ANK1: variants seen among roughly 807,000 people sequenced by gnomAD.
ANK1 encodes the protein ankyrin-1.
A neutral mutation model predicts 210.4 loss-of-function variants in ANK1; 51 were observed. The ratio of observed to expected loss-of-function variants is 0.24; its 90% confidence interval spans 0.19 to 0.31. ANK1 has a LOEUF of 0.31. Ranked by LOEUF, ANK1 falls within the 10% of genes least tolerant of loss-of-function variation. The pLI, the probability that ANK1 is intolerant of heterozygous loss-of-function variation, is 1.00. For missense variants in ANK1, 2,051 were observed against 2,504.4 expected (o/e 0.82, Z 3.86); for synonymous variants, 967 against 1,025.9 (o/e 0.94, Z 1.10).
At chr8:41,664,365 C>A in intron 39 of ANK1, 2 of 364,022 alleles carry the variant, frequency 5.5e-6, no homozygotes, top group Non-Finnish European at 1.1e-5. Context: ...ACCAGCTACT[C>A]AGAAGGCTGA....
rs184642765 is a variant in ANK1, at chr8:41,871,624, A to C, written c.126+24731T>G. On this transcript the variant is annotated intron_variant, in intron 1 of 42. Coordinates refer to the ANK1 transcript ENST00000265709. ...CAGGAGCCAGGAGAGGGGCCTGGACATGTGCTCTCCCACAGTCCACCAAAG... is the reference window on the plus strand; with the variant it reads ...CAGGAGCCAGGAGAGGGGCCTGGACCTGTGCTCTCCCACAGTCCACCAAAG... Among the ~76,000 whole-genome samples, 225 of 152,224 alleles carry C rather than the reference A, an allele frequency of 1.5e-3. 1 individual carries two copies. Among genetic ancestry groups the C allele is most frequent in the African/African-American group, 5.1e-3 (213 of 41,552 alleles).
chr8:41,814,697 AT>A (rs1050800155), intron 1 of ANK1, among the ~76,000 whole-genome samples: 3 of 149,762 alleles, frequency 2.0e-5, no homozygotes, highest in Non-Finnish European at 3.0e-5. Context: ...ATTTATTTTT[AT>A]TTTTTTATTT....
chr8:41,778,495 AGGCCGCTGTG>A (rs1265089152), intron 1 of ANK1, among the ~76,000 whole-genome samples: 5 of 152,224 alleles, frequency 3.3e-5, no homozygotes, highest in Admixed American at 3.3e-4. Context: ...GCTTTTTCAA[AGGCCGCTGTG>A]TTCCAGAATC....
At chr8:41,798,817 T>G (rs906749494), upstream of ANK1, among the ~76,000 whole-genome samples, 1 of 152,138 alleles carries the variant, frequency 6.6e-6, no homozygotes. Flanking sequence ...CTCTCCAGCC[T>G]TCCTCACGTG....
intron 38 of ANK1, among the ~76,000 whole-genome samples, chr8:41,672,114 T>G (rs969966736): frequency 3.9e-5 from 6 of 152,216 alleles, no homozygotes; most frequent in Non-Finnish European, 7.3e-5. Context: ...GCTCTCCCAG[T>G]GCTCCTCGGG....
At chr8:41,761,522 G>A (rs1840450824) in intron 1 of ANK1, among the ~76,000 whole-genome samples, 1 of 152,216 alleles carries the variant, frequency 6.6e-6, no homozygotes, top group Non-Finnish European at 1.5e-5. Flanking sequence ...AGAAGGCCCT[G>A]AAGCCCTGGA....
chr8:41,835,447 G>A (rs897050291), intron 1 of ANK1, among the ~76,000 whole-genome samples: 13 of 151,910 alleles, frequency 8.6e-5, no homozygotes, highest in African/African-American at 2.4e-4. Context: ...GCGAGACTCC[G>A]TCTCAAAAAT....
intron 1 of ANK1, among the ~76,000 whole-genome samples, chr8:41,852,566 C>G (rs1811458149): frequency 6.6e-6 from 1 of 152,226 alleles, no homozygotes; most frequent in South Asian, 2.1e-4. Flanking sequence ...ACCCAAAGAC[C>G]TCCGGCCCCC....
chr8:41,776,983 G>A (rs1283155746), intron 1 of ANK1, among the ~76,000 whole-genome samples: 1 of 152,206 alleles, frequency 6.6e-6, no homozygotes, highest in Non-Finnish European at 1.5e-5. Flanking sequence ...AATAATTGAA[G>A]GGAACCATTT....
At chr8:41,657,087 C>T (rs1466125029) in intron 42 of ANK1, among the ~76,000 whole-genome samples, 1 of 152,200 alleles carries the variant, frequency 6.6e-6, no homozygotes. Context: ...GTTCTGCCTG[C>T]CGCCCTCAAC....
rs1317273590 is a variant in ANK1 at position 41,654,628 on chromosome 8, CCTT to C, written c.*1159_*1161del. 5 of 152,834 alleles carry C rather than the reference CCTT, an allele frequency of 3.3e-5. No individual in the cohort carries two copies. Among genetic ancestry groups the C allele is most frequent in the African/African-American group, 1.2e-4 (5 of 41,590 alleles). The allele number at this position is 152,834 out of a possible 1,614,324, so 9.5% of individuals were successfully genotyped here. A position where few individuals can be genotyped will look rare whatever the true frequency, so the allele number is the denominator to read the frequency against. On this transcript the variant is annotated 3_prime_UTR_variant, in exon 43 of 43. Transcript: ENST00000289734. The stretch of plus-strand genomic sequence containing the variant: ...TTTCACTGAAAGACAGGCCACAGCT[CCTT>C]CTCCTGCAGCCGCAGAAGTCCTCAG...
At chr8:41,865,084 G>A (rs1378002043) in intron 1 of ANK1, among the ~76,000 whole-genome samples, 1 of 152,172 alleles carries the variant, frequency 6.6e-6, no homozygotes, top group Non-Finnish European at 1.5e-5. Flanking sequence ...CATCCAGTGT[G>A]TGGCGCTGCA....
In ANK1 at chr8:41,816,545, C is replaced by G. The variant is rs549754371; in HGVS notation, c.127-58408G>C. ...CCTCGAACTTCTGGGCTCAAGGGAT[C>G]CTCCCACCTCAGCCTCCCAAGTAGC... On this transcript the variant is annotated intron_variant, in intron 1 of 42. Coordinates refer to the ANK1 transcript ENST00000265709. Among the ~76,000 whole-genome samples the G allele has an allele frequency of 3.2e-4, 49 of 152,114 alleles. No homozygotes were observed. In the South Asian group the frequency reaches 8.9e-3, roughly 28 times the overall value.
At chr8:41,782,690 T>C (rs1845590046) in intron 1 of ANK1, among the ~76,000 whole-genome samples, 1 of 152,238 alleles carries the variant, frequency 6.6e-6, no homozygotes, top group Admixed American at 6.5e-5. Context: ...AATCAAAATA[T>C]ATCACATTGC....
rs559364786 is a variant in ANK1, at chr8:41,708,819, G to C, written c.1957C>G (p.Leu653Val). Residue 653 changes from leucine (L) to valine (V), a missense_variant, in exon 17 of 43, where the codon CTG becomes GTG. By Grantham distance (32) the Leu-to-Val change is conservative (BLOSUM62 1). Around this residue, in one of 6 missense-constraint regions of ANK1, gnomAD observed 1,413 missense variants for 1,707.4 expected, o/e 0.83. Transcript: ENST00000289734. The part of the protein sequence containing the change: ...AQEGHAEMVA[L>V]LLSKQANGNL... Reference sequence around the variant, plus strand: ...CCATTGGCTTGTTTCGAGAGCAGCAGAGCCACCATCTCTGCGTGGCCCTCC... The same window carrying C: ...CCATTGGCTTGTTTCGAGAGCAGCACAGCCACCATCTCTGCGTGGCCCTCC... The C allele has an allele frequency of 2.5e-6, 4 of 1,614,030 alleles. No individual in the cohort carries two copies. In the Admixed American group the frequency reaches 5.0e-5, roughly 20 times the overall value.
At chr8:41,849,993 G>A (rs555205284) in intron 1 of ANK1, among the ~76,000 whole-genome samples, 8 of 152,198 alleles carry the variant, frequency 5.3e-5, no homozygotes, top group African/African-American at 1.9e-4. Flanking sequence ...TCAGAGCCCT[G>A]GCAGCGGCTC....
intron 1 of ANK1, among the ~76,000 whole-genome samples, chr8:41,826,828 T>G (rs1805471312): frequency 6.6e-6 from 1 of 152,188 alleles, no homozygotes; most frequent in South Asian, 2.1e-4. Context: ...CAATAAACAT[T>G]CTGCTCTTAT....
intron 37 of ANK1, among the ~76,000 whole-genome samples, chr8:41,684,150 C>G (rs147933779): frequency 6.6e-6 from 1 of 152,368 alleles, no homozygotes; most frequent in African/African-American, 2.4e-5. Flanking sequence ...GGGACACTGA[C>G]ACCCCAAAGA....
In ANK1 at chr8:41,694,445, C is replaced by T; in HGVS notation, c.3327+147G>A. 1.1e-6 allele frequency: 1 copy of T among 888,180 alleles called. No homozygotes were observed. The highest frequency in any genetic ancestry group is 1.7e-6 in the Non-Finnish European group (1 of 578,214). The allele number at this position is 888,180 out of a possible 1,614,324, so 55.0% of individuals were successfully genotyped here. ...CCACCTCACCCCTTCCCACTTAACTCTCCTTTGAGCTTTAAACTCAGATCT... is the reference window on the plus strand; with the variant it reads ...CCACCTCACCCCTTCCCACTTAACTTTCCTTTGAGCTTTAAACTCAGATCT... On this transcript the variant is annotated intron_variant, in intron 28 of 42. Transcript: ENST00000289734. The surrounding 1 kb of genome is among the most constrained non-coding windows in gnomAD (Gnocchi z 5.7).
Sources: allele counts gnomAD v4.1 joint callset (sites outside exome capture counted in the v4.1 genomes callset), GRCh38; gene constraint gnomAD v4.1.1; regional missense constraint gnomAD v4.1.1; non-coding constraint Gnocchi (gnomAD v3.1); transcripts MANE v1.5; gene names NCBI Gene and HGNC (gene_info 2026-07-23, HGNC 2026-07-21).